The following DACH2 variants were observed in gnomAD, a reference collection of about 807,000 sequenced individuals.
DACH2 encodes the protein dachshund homolog 2.
Under a neutral mutation model 35.8 loss-of-function variants are expected in DACH2, and 17 were observed. That is an observed-to-expected ratio of 0.48 (90% CI 0.33 to 0.71). DACH2 has a LOEUF of 0.71. DACH2 is among the 30% of genes least tolerant of loss of function. DACH2 has a pLI of 0.02. For synonymous variants in DACH2, 195 were observed against 177.3 expected (o/e 1.10, Z -0.79); for missense variants, 469 against 472.7 (o/e 0.99, Z 0.07).
intron 1 of DACH2, among the ~76,000 whole-genome samples, chrX:86,358,866 A>G (rs2035687589): frequency 8.9e-6 from 1 of 111,909 alleles, no homozygotes; most frequent in Admixed American, 9.5e-5. Flanking sequence ...TATGCTAGTA[A>G]CTGAATTTGG....
At chrX:86,477,154 G>A (rs182348314) in intron 2 of DACH2, among the ~76,000 whole-genome samples, 147 of 108,825 alleles carry the variant, frequency 1.4e-3, no homozygotes, top group African/African-American at 4.6e-3. Context: ...AGATAGATTA[G>A]GTTTATTTGG....
At chrX:86,411,473 G>A (rs1430669369) in intron 2 of DACH2, among the ~76,000 whole-genome samples, 2 of 110,503 alleles carry the variant, frequency 1.8e-5, no homozygotes, top group Admixed American at 9.7e-5. Flanking sequence ...CACATCTTCT[G>A]AAATTATACA....
chrX:86,666,314 A>T (rs200229641), intron 4 of DACH2, among the ~76,000 whole-genome samples: 19 of 69,277 alleles, frequency 2.7e-4, no homozygotes, highest in African/African-American at 9.7e-4. Context: ...TGTGTGTGTG[A>T]GAGAGAGAGA....
At chrX:86,325,509 A>T (rs1191304406) in intron 1 of DACH2, among the ~76,000 whole-genome samples, 1 of 112,590 alleles carries the variant, frequency 8.9e-6, no homozygotes, top group Non-Finnish European at 1.9e-5. Flanking sequence ...AGTTTTGGTC[A>T]TATAAACAAC....
intron 1 of DACH2, among the ~76,000 whole-genome samples, chrX:86,250,007 A>C (rs770992955): frequency 2.2e-4 from 24 of 110,862 alleles, no homozygotes; most frequent in Non-Finnish European, 4.2e-4. Flanking sequence ...CATCAAATAC[A>C]TATGGACACA....
chrX:86,449,918 C>T (rs893429810), intron 2 of DACH2, among the ~76,000 whole-genome samples: 2 of 111,385 alleles, frequency 1.8e-5, no homozygotes, highest in Non-Finnish European at 3.8e-5. Flanking sequence ...GATTCACTCA[C>T]CATTGTTTCA....
chrX:86,546,395 CTTCTTCTTCCTT>C (rs2038965461), intron 3 of DACH2, among the ~76,000 whole-genome samples: 1 of 60,939 alleles, frequency 1.6e-5, no homozygotes, highest in South Asian at 6.3e-4. Context: ...TCTTCTTCTT[CTTCTTCTTCCTT>C]CTTCTTCTTC....
intron 7 of DACH2, among the ~76,000 whole-genome samples, chrX:86,771,336 C>T (rs1243011970): frequency 8.9e-6 from 1 of 112,387 alleles, no homozygotes; most frequent in Non-Finnish European, 1.9e-5. Context: ...TATAAATAGA[C>T]ACTAAAAAGG....
intron 5 of DACH2, among the ~76,000 whole-genome samples, chrX:86,701,262 A>G (rs1396537301): frequency 8.9e-6 from 1 of 111,834 alleles, no homozygotes; most frequent in Non-Finnish European, 1.9e-5. Flanking sequence ...AACAAAAACC[A>G]CATGGTTATC....
chrX:86,151,153 C>G (rs1434458150), intron 1 of DACH2, among the ~76,000 whole-genome samples: 3 of 109,844 alleles, frequency 2.7e-5, no homozygotes, highest in Non-Finnish European at 5.7e-5. Flanking sequence ...AAAAAAAATC[C>G]AGAGGCAGGT....
At chrX:86,811,167 A>ATT (rs377420211) in intron 7 of DACH2, among the ~76,000 whole-genome samples, 2 of 111,697 alleles carry the variant, frequency 1.8e-5, no homozygotes, top group African/African-American at 6.5e-5. Context: ...ATCATATAGC[A>ATT]TTTTTTTAAA....
chrX:86,732,356 A>G (rs1383290545), intron 6 of DACH2, among the ~76,000 whole-genome samples: 1 of 112,367 alleles, frequency 8.9e-6, no homozygotes, highest in Non-Finnish European at 1.9e-5. Context: ...ATACTCTGTT[A>G]TATTGCTTTG....
At chrX:86,633,716 A>G (rs1322388007) in intron 3 of DACH2, among the ~76,000 whole-genome samples, 1 of 111,815 alleles carries the variant, frequency 8.9e-6, no homozygotes, top group African/African-American at 3.3e-5. Flanking sequence ...TCAATAAAAT[A>G]CTAGCAAACC....
chrX:86,396,737 C>A, intron 2 of DACH2, among the ~76,000 whole-genome samples: 2 of 110,966 alleles, frequency 1.8e-5, no homozygotes, highest in South Asian at 7.7e-4. Context: ...TGTTCTGTTC[C>A]ATTGGTCTAT....
intron 11 of DACH2, among the ~76,000 whole-genome samples, chrX:86,826,689 G>A (rs1368578524): frequency 1.8e-5 from 2 of 111,888 alleles, no homozygotes; most frequent in Non-Finnish European, 3.8e-5. Flanking sequence ...AGAATATCAT[G>A]TTCTGAACAT....
At chrX:86,192,086 T>C (rs894869124) in intron 1 of DACH2, among the ~76,000 whole-genome samples, 2 of 112,115 alleles carry the variant, frequency 1.8e-5, no homozygotes, top group Non-Finnish European at 3.8e-5. Context: ...TCATATGCAC[T>C]CTGTCACTCT....
chrX:86,472,798 G>T (rs1354771325), intron 2 of DACH2, among the ~76,000 whole-genome samples: 1 of 111,724 alleles, frequency 9.0e-6, no homozygotes, highest in East Asian at 2.8e-4. Flanking sequence ...AGAAAGGGTG[G>T]AAAATGAACT....
chrX:86,599,448 CCCTTCCTT>C (rs200104624), intron 3 of DACH2, among the ~76,000 whole-genome samples: 2 of 73,268 alleles, frequency 2.7e-5, no homozygotes, highest in African/African-American at 5.5e-5. Context: ...CTCTTTCTTT[CCCTTCCTT>C]CCTTCCTTCT....
intron 3 of DACH2, among the ~76,000 whole-genome samples, chrX:86,639,472 C>A (rs940337208): frequency 1.8e-5 from 2 of 111,644 alleles, no homozygotes; most frequent in Non-Finnish European, 1.9e-5. Context: ...CTTGGGCTTA[C>A]TGGCAAAGGT....
Sources: gnomAD v4.1 joint callset for allele counts (sites outside exome capture counted in the v4.1 genomes callset) on GRCh38, gnomAD v4.1.1 for gene constraint, MANE v1.5 for transcripts, NCBI Gene and HGNC (gene_info 2026-07-23, HGNC 2026-07-21) for gene names.